Variants in DISC1 observed in about 807,000 individuals in gnomAD.
DISC1 encodes disrupted in schizophrenia 1 protein.
Under a neutral mutation model 84.5 loss-of-function variants are expected in DISC1, and 57 were observed. The observed-to-expected ratio is 0.67, with a 90% CI of 0.55 to 0.84. DISC1 has a LOEUF of 0.84. DISC1 is among the 40% of genes least tolerant of loss of function. The probability of loss-of-function intolerance (pLI) is 0.00; values close to 1 mark genes in which losing one functional copy is unlikely to be tolerated. For synonymous variants in DISC1, 411 were observed against 415.2 expected, an observed-to-expected ratio of 0.99 and a Z score of 0.12; for missense variants, 1,000 against 1,057.8, an observed-to-expected ratio of 0.95 and a Z score of 0.76.
chr1:231,800,183 C>T lies in DISC1; in HGVS notation c.1765C>T (p.Leu589Phe), dbSNP rs558450836. Reference protein sequence around the residue: ...NDIETQLPALLEAKMHAISGN... With the variant: ...NDIETQLPALFEAKMHAISGN... ...TATTGAAACCCAACTACCAGCCTTG[C>T]TTGAAGCCAAAATGCATGCCATATC... Residue 589 changes from leucine to phenylalanine, a missense_variant, in exon 8 of 13, where the codon CTT becomes TTT. Transcript: ENST00000439617. 7.4e-6 allele frequency: 12 copies of T among 1,612,110 alleles called. No individual in the cohort carries two copies. Among genetic ancestry groups the T allele is most frequent in the Non-Finnish European group, 1.0e-5 (12 of 1,179,736 alleles).
At position 231,818,463 on chromosome 1, in the gene DISC1, A is replaced by C. The variant is rs968196113; in HGVS notation, c.1927A>C (p.Lys643Gln). Reference sequence around the variant, plus strand: ...GAATGTCAAAAAGCTGGGAAGTGTTAAAGAAGATTACAACAGACTGAGAAG... The same window carrying C: ...GAATGTCAAAAAGCTGGGAAGTGTTCAAGAAGATTACAACAGACTGAGAAG... Reference protein sequence around the residue: ...SRNVKKLGSVKEDYNRLRREV... With the variant: ...SRNVKKLGSVQEDYNRLRREV... Residue 643 changes from lysine (K) to glutamine (Q), a missense_variant, in exon 9 of 13, where the codon AAA (lysine) becomes CAA (glutamine). Transcript: ENST00000439617. 21 of 1,614,184 alleles carry C rather than the reference A, an allele frequency of 1.3e-5. No individual in the cohort carries two copies. Among genetic ancestry groups the C allele is most frequent in the Non-Finnish European group, 1.8e-5 (21 of 1,180,024 alleles).
chr1:231,746,353 G>A (rs572844172), intron 3 of DISC1, among the ~76,000 whole-genome samples: 3 of 152,226 alleles, frequency 2.0e-5, no homozygotes, highest in Non-Finnish European at 2.9e-5. Context: ...TTCATCTGTT[G>A]TTGGACACTT....
At chr1:231,658,088 G>A (rs184696734) in intron 1 of DISC1, among the ~76,000 whole-genome samples, 1 of 152,274 alleles carries the variant, frequency 6.6e-6, no homozygotes, top group East Asian at 1.9e-4. Context: ...CTATTTTCAT[G>A]ATATTGATTC....
At chr1:231,831,931 G>A (rs1387604136) in intron 9 of DISC1, among the ~76,000 whole-genome samples, 1 of 151,880 alleles carries the variant, frequency 6.6e-6, no homozygotes, top group Admixed American at 6.6e-5. Flanking sequence ...GGTGAGTGGC[G>A]ATTAGGCCTG....
At position 231,925,745 on chromosome 1, in the gene DISC1, GAC is replaced by G. The variant is rs1274741655; in HGVS notation, c.1982-33079_1982-33078del. Reference sequence around the variant, plus strand: ...TATGAGAAAGGAGTGGGAGATATGAGACACAGACACACAGAGGGGAATGACAT... The same window carrying G: ...TATGAGAAAGGAGTGGGAGATATGAGACAGACACACAGAGGGGAATGACAT... On this transcript the variant is annotated intron_variant, in intron 9 of 12. Transcript: ENST00000439617. 9 of 152,306 alleles carry G rather than the reference GAC, an allele frequency of 5.9e-5. No homozygotes were observed. The East Asian group carries it at 1.5e-3, about 26-fold the overall frequency. The allele number at this position is 152,306 out of a possible 1,614,324, so 9.4% of individuals were successfully genotyped here.
intron 12 of DISC1, among the ~76,000 whole-genome samples, chr1:232,027,825 GTGTGTA>G (rs1295596575): frequency 6.6e-6 from 1 of 151,740 alleles, no homozygotes; most frequent in African/African-American, 2.4e-5. Context: ...GTGTGTGTGT[GTGTGTA>G]TAAGTAGCTT....
chr1:231,748,618 A>T (rs888033526), intron 3 of DISC1, among the ~76,000 whole-genome samples: 21 of 151,864 alleles, frequency 1.4e-4, no homozygotes, highest in Non-Finnish European at 5.9e-5. Context: ...TATCTTTTTG[A>T]TGTGTTGTTT....
intron 4 of DISC1, among the ~76,000 whole-genome samples, chr1:231,762,206 TTCTTTTCTCTTC>T: frequency 3.2e-4 from 6 of 18,908 alleles, no homozygotes; most frequent in Non-Finnish European, 8.0e-4. Flanking sequence ...TTCTTTTCTT[TTCTTTTCTCTTC>T]TTTTCTTTTC....
Position 231,839,646 on chromosome 1 carries a change from G to T in DISC1, c.1981+21129G>T, listed in dbSNP as rs533350575. The stretch of plus-strand genomic sequence containing the variant: ...GTATTACAGTTGTGTTAGTCTGTTT[G>T]CATTGCTATCAAGGAATACCTGAGA... On this transcript the variant is annotated intron_variant, in intron 9 of 12. Transcript: ENST00000439617. 2.0e-5 allele frequency among the ~76,000 whole-genome samples: 3 copies of T among 152,300 alleles called. No individual in the cohort carries two copies. The East Asian group carries it at 5.8e-4, about 29-fold the overall frequency.
intron 11 of DISC1, among the ~76,000 whole-genome samples, chr1:232,018,487 T>A (rs1230720562): frequency 6.6e-6 from 1 of 152,204 alleles, no homozygotes; most frequent in Non-Finnish European, 1.5e-5. Context: ...TACACTTTTA[T>A]AGAAAAATGT....
At chr1:231,849,043 A>G (rs1004830533) in intron 9 of DISC1, among the ~76,000 whole-genome samples, 1 of 151,948 alleles carries the variant, frequency 6.6e-6, no homozygotes, top group Admixed American at 6.6e-5. Flanking sequence ...TTTGTTGAAC[A>G]CTTTGTACCT....
At chr1:231,823,059 T>A (rs2081612011) in intron 9 of DISC1, among the ~76,000 whole-genome samples, 1 of 152,214 alleles carries the variant, frequency 6.6e-6, no homozygotes, top group African/African-American at 2.4e-5. Flanking sequence ...ACTATAGCAG[T>A]GACAGATTAT....
At chr1:231,942,312 A>G (rs2091393594) in intron 9 of DISC1, among the ~76,000 whole-genome samples, 1 of 152,208 alleles carries the variant, frequency 6.6e-6, no homozygotes, top group African/African-American at 2.4e-5. Context: ...CATAGTTTCC[A>G]TCAGAGCTGT....
chr1:231,866,446 G>T (rs2085059963), intron 9 of DISC1: 1 of 752,632 alleles, frequency 1.3e-6, no homozygotes, highest in South Asian at 1.4e-5. Context: ...CAATGATAAT[G>T]ACCAACAGCT....
chr1:232,008,086 T>C lies in DISC1; in HGVS notation c.2043-699T>C, dbSNP rs1667684486. On this transcript the variant is annotated intron_variant, in intron 10 of 12. Transcript: ENST00000439617. ...CAGCCACACTGAACTGTGAGTCAATTAAACCTCTTTCCTTTGTAAATTAAC... is the reference window on the plus strand; with the variant it reads ...CAGCCACACTGAACTGTGAGTCAATCAAACCTCTTTCCTTTGTAAATTAAC... Among the ~76,000 whole-genome samples the C allele has an allele frequency of 2.0e-5, 3 of 152,318 alleles. No individual in the cohort carries two copies. The South Asian group carries it at 6.2e-4, about 32-fold the overall frequency.
At chr1:231,992,544 T>C (rs1321848298) in intron 10 of DISC1, among the ~76,000 whole-genome samples, 2 of 152,196 alleles carry the variant, frequency 1.3e-5, no homozygotes, top group African/African-American at 4.8e-5. Flanking sequence ...TTTTCACTTT[T>C]GGATTTCAGG....
chr1:231,792,993 C>T (rs2125598230), intron 6 of DISC1, among the ~76,000 whole-genome samples: 1 of 152,250 alleles, frequency 6.6e-6, no homozygotes, highest in Non-Finnish European at 1.5e-5. Flanking sequence ...ACTGGAAAAC[C>T]CTCCTCTGTT....
At chr1:231,792,193 A>G (rs1385887324) in intron 6 of DISC1, among the ~76,000 whole-genome samples, 1 of 152,238 alleles carries the variant, frequency 6.6e-6, no homozygotes, top group Middle Eastern at 3.2e-3. Context: ...TAAATTAATT[A>G]TAAATCAAAT....
intron 1 of DISC1, among the ~76,000 whole-genome samples, chr1:231,653,320 T>C (rs2060791975): frequency 6.6e-6 from 1 of 152,200 alleles, no homozygotes; most frequent in Non-Finnish European, 1.5e-5. Flanking sequence ...GGTACCAGGC[T>C]TGCGTGGAGG....
Sources: allele counts gnomAD v4.1 joint callset (sites outside exome capture counted in the v4.1 genomes callset), GRCh38; gene constraint gnomAD v4.1.1; transcripts MANE v1.5; gene names NCBI Gene and HGNC (gene_info 2026-07-23, HGNC 2026-07-21).